Variants in EFNB2 observed in about 807,000 individuals in gnomAD.
EFNB2 encodes the protein ephrin-B2.
In EFNB2, 5 loss-of-function variants were observed where a neutral mutation model predicts 32.1. The observed-to-expected ratio is 0.16, with a 90% CI of 0.08 to 0.33. The LOEUF (loss-of-function observed/expected upper bound fraction) is 0.33. Among genes scored for constraint, EFNB2 ranks in the 10% least tolerant of loss-of-function variants. EFNB2 has a pLI of 1.00. For missense variants in EFNB2, 263 were observed against 422.6 expected (o/e 0.62, Z 3.31); for synonymous variants, 168 against 166.5 (o/e 1.01, Z -0.07).
chr13:106,502,968 G>A (rs372549051), intron 2 of EFNB2, among the ~76,000 whole-genome samples: 1 of 152,288 alleles, frequency 6.6e-6, no homozygotes, highest in South Asian at 2.1e-4. Flanking sequence ...GTACACTGAC[G>A]CTTTTCTGAG....
intron 2 of EFNB2, among the ~76,000 whole-genome samples, chr13:106,512,258 T>C (rs1342716460): frequency 6.6e-6 from 1 of 151,732 alleles, no homozygotes; most frequent in Non-Finnish European, 1.5e-5. Context: ...AGATGCTGAA[T>C]ATATTCATAT....
intron 1 of EFNB2, among the ~76,000 whole-genome samples, chr13:106,523,556 C>A (rs114479097): frequency 0.014 from 2,194 of 152,250 alleles, 54 homozygotes; most frequent in African/African-American, 0.05. Flanking sequence ...CTCTGGCCGG[C>A]GGCTGCATGG....
chr13:106,500,352 G>A (rs191848251), intron 2 of EFNB2, among the ~76,000 whole-genome samples: 10 of 152,304 alleles, frequency 6.6e-5, no homozygotes, highest in Middle Eastern at 3.4e-3. Context: ...GATGTGAAAC[G>A]GGGAAGCACA....
intron 1 of EFNB2, chr13:106,516,577 A>G (rs1879319271): frequency 6.6e-6 from 1 of 152,260 alleles, no homozygotes; most frequent in Non-Finnish European, 1.5e-5. Context: ...ACATTCAATT[A>G]TAACTCCAGC....
intron 2 of EFNB2, among the ~76,000 whole-genome samples, chr13:106,505,005 T>G (rs1343343070): frequency 1.3e-5 from 2 of 152,188 alleles, no homozygotes; most frequent in Non-Finnish European, 2.9e-5. Flanking sequence ...GCTAACAAAT[T>G]GCCACTATAA....
intron 1 of EFNB2, among the ~76,000 whole-genome samples, chr13:106,529,554 T>C (rs1181438108): frequency 6.6e-6 from 1 of 152,228 alleles, no homozygotes; most frequent in Admixed American, 6.5e-5. Context: ...TACTTCCTAA[T>C]CCCAGTTTCC....
intron 1 of EFNB2, among the ~76,000 whole-genome samples, chr13:106,534,542 G>A (rs1398917440): frequency 6.6e-6 from 1 of 152,244 alleles, no homozygotes; most frequent in Admixed American, 6.5e-5. Context: ...AACAGGAGAG[G>A]GTCAGGTATC....
rs1880019191 is a variant in EFNB2, at chr13:106,534,971, G to A, written c.-7C>T. 8 of 1,612,666 alleles carry A rather than the reference G, an allele frequency of 5.0e-6. No individual in the cohort carries two copies. In the East Asian group the frequency reaches 1.1e-4, roughly 23 times the overall value. On this transcript the variant is annotated 5_prime_UTR_variant, in exon 1 of 5. Coordinates refer to ENST00000646441, the MANE Select transcript of EFNB2 (RefSeq NM_004093.4). ...AGTCCCTTCTCACAGCCATGGCGAA[G>A]CCACTCCCAGCTCCGCGCACTCCGG...
At chr13:106,494,717 G>A (rs1370635182) in intron 4 of EFNB2, among the ~76,000 whole-genome samples, 164 bp downstream of exon 4, 1 of 152,136 alleles carries the variant, frequency 6.6e-6, no homozygotes, top group Non-Finnish European at 1.5e-5. Flanking sequence ...TGTTCTTATT[G>A]AGTGTAATTA....
Position 106,535,481 on chromosome 13 carries a change from C to A in EFNB2, c.-517G>T, listed in dbSNP as rs1217021114. 6.7e-6 allele frequency: 1 copy of A among 149,138 alleles called. No individual in the cohort carries two copies. The highest frequency in any genetic ancestry group is 1.5e-5 in the Non-Finnish European group (1 of 67,046). 9.2% of individuals were successfully genotyped at this position (149,138 alleles called of 1,614,324 possible). A position where few individuals can be genotyped will look rare whatever the true frequency, so the allele number is the denominator to read the frequency against. On this transcript the variant is annotated 5_prime_UTR_variant, in exon 1 of 5. Transcript: ENST00000646441. ...CGGAGCGGAGTAGGGCGCCTCCGGG[C>A]GCGCAGGAGCCTTCTCAGTCCGCGC...
Position 106,534,994 on chromosome 13 carries a change from C to A in EFNB2, c.-30G>T. ...AAGCCACTCCCAGCTCCGCGCACTC[C>A]GGGCCAAGAAGGGACTGACGGGACG... On this transcript the variant is annotated 5_prime_UTR_variant, in exon 1 of 5. Coordinates refer to ENST00000646441, the MANE Select transcript of EFNB2 (RefSeq NM_004093.4). 1 of 1,611,254 alleles carries A rather than the reference C, an allele frequency of 6.2e-7. No individual in the cohort carries two copies. Among genetic ancestry groups the A allele is most frequent in the East Asian group, 2.2e-5 (1 of 44,642 alleles).
chr13:106,535,114 C>G lies in EFNB2; in HGVS notation c.-150G>C, dbSNP rs1278400210. 3 of 1,062,294 alleles carry G rather than the reference C, an allele frequency of 2.8e-6. No homozygotes were observed. Among genetic ancestry groups the G allele is most frequent in the Non-Finnish European group, 3.7e-6 (3 of 804,602 alleles). 65.8% of individuals were successfully genotyped at this position (1,062,294 alleles called of 1,614,324 possible). A position where few individuals can be genotyped will look rare whatever the true frequency, so the allele number is the denominator to read the frequency against. On this transcript the variant is annotated 5_prime_UTR_variant, in exon 1 of 5. Coordinates refer to ENST00000646441, the MANE Select transcript of EFNB2 (RefSeq NM_004093.4). ...AGGCGCGCTGCGCAGCTCCAGCGGTCGCCGGGCCAGGTGCGCTCGCTCTCC... is the reference window on the plus strand; with the variant it reads ...AGGCGCGCTGCGCAGCTCCAGCGGTGGCCGGGCCAGGTGCGCTCGCTCTCC...
In EFNB2 at chr13:106,518,796, C is replaced by T. The variant is rs1041957828; in HGVS notation, c.123-5984G>A. The T allele has an allele frequency of 6.6e-6, 1 of 152,300 alleles. No individual in the cohort carries two copies. Among genetic ancestry groups the T allele is most frequent in the South Asian group, 2.1e-4 (1 of 4,830 alleles). The allele number at this position is 152,300 out of a possible 1,614,324, so 9.4% of individuals were successfully genotyped here. ...GCCACTCCATTTTCCCTGCTTCTTT[C>T]TTCCTCTGACCATACTACACGCACC... On this transcript the variant is annotated intron_variant, in intron 1 of 4. Transcript: ENST00000646441. The surrounding 1 kb of genome is among the most constrained non-coding windows in gnomAD (Gnocchi z 4.1).
In EFNB2 at chr13:106,495,736, G is replaced by A. The variant is rs377612498; in HGVS notation, c.499+12C>T. 15 of 1,613,008 alleles carry A rather than the reference G, an allele frequency of 9.3e-6. No homozygotes were observed. Among genetic ancestry groups the A allele is most frequent in the Admixed American group, 5.0e-5 (3 of 59,880 alleles). ...GTCACAGTGGCGTCATGAAGCAGCA[G>A]ATGGTCTTTACCTTGTCCAACTTTC... is the stretch of plus-strand genomic sequence containing the variant. On this transcript the variant is annotated intron_variant, in intron 3 of 4. Coordinates refer to ENST00000646441, the MANE Select transcript of EFNB2 (RefSeq NM_004093.4).
At chr13:106,531,454 G>A (rs999290259) in intron 1 of EFNB2, among the ~76,000 whole-genome samples, 5 of 152,106 alleles carry the variant, frequency 3.3e-5, no homozygotes, top group East Asian at 1.9e-4. Context: ...TATTAAAACC[G>A]ACAAGATTAA....
At position 106,495,794 on chromosome 13, in the gene EFNB2, C is replaced by T; in HGVS notation, c.453G>A (p.Gly151=). Residue 151 remains glycine (G), a synonymous_variant, in exon 3 of 5, where the codon GGG becomes GGA. Transcript: ENST00000646441. ...SLEGLDNQEG[G]VCQTRAMKIL... The stretch of plus-strand genomic sequence containing the variant: ...TCTTCATGGCTCTTGTCTGGCACAC[C>T]CCTCCCTCCTGGTTATCCAGGCCCT... The T allele has an allele frequency of 6.2e-7, 1 of 1,613,994 alleles. No homozygotes were observed. The highest frequency in any genetic ancestry group is 1.1e-5 in the South Asian group (1 of 91,068).
intron 1 of EFNB2, among the ~76,000 whole-genome samples, chr13:106,526,042 G>A (rs1372458776): frequency 6.6e-6 from 1 of 152,056 alleles, no homozygotes; most frequent in African/African-American, 2.4e-5. Context: ...GCGTCACCTG[G>A]GAGCTTGTTA....
intron 2 of EFNB2, among the ~76,000 whole-genome samples, chr13:106,499,759 C>T (rs1464919381): frequency 6.6e-6 from 1 of 152,034 alleles, no homozygotes; most frequent in African/African-American, 2.4e-5. Flanking sequence ...CAGAAAATTT[C>T]TCTATCCAGT....
chr13:106,508,839 G>A (rs1333821406), intron 2 of EFNB2, among the ~76,000 whole-genome samples: 1 of 152,136 alleles, frequency 6.6e-6, no homozygotes, highest in East Asian at 1.9e-4. Context: ...ATCTCCTAAG[G>A]GGACTTAGTT....
Sources: allele counts gnomAD v4.1 joint callset (sites outside exome capture counted in the v4.1 genomes callset), GRCh38; gene constraint gnomAD v4.1.1; non-coding constraint Gnocchi (gnomAD v3.1); transcripts MANE v1.5; gene names NCBI Gene and HGNC (gene_info 2026-07-23, HGNC 2026-07-21).